EYS: variants seen among roughly 807,000 people sequenced by gnomAD.
The protein encoded by EYS is EGF-like photoreceptor maintenance factor.
In EYS, 250 loss-of-function variants were observed where a neutral mutation model predicts 282.1. That is an observed-to-expected ratio of 0.89 (90% CI 0.80 to 0.98). The LOEUF is 0.98. Among genes scored for constraint, EYS ranks in the 50% least tolerant of loss-of-function variants. EYS has a pLI of 0.00. For synonymous variants in EYS, 1,355 were observed against 1,282.9 expected (o/e 1.06, Z -1.20); for missense variants, 4,016 against 3,709.0 (o/e 1.08, Z -2.15).
intron 11 of EYS, among the ~76,000 whole-genome samples, chr6:65,297,489 C>A (rs1768698615): frequency 6.6e-6 from 1 of 151,948 alleles, no homozygotes; most frequent in Admixed American, 6.6e-5. Context: ...TGTCAAGGAT[C>A]ACTGAGATTA....
intron 2 of EYS, among the ~76,000 whole-genome samples, chr6:65,625,136 A>G (rs1289689372): frequency 1.3e-5 from 2 of 152,128 alleles, no homozygotes; most frequent in African/African-American, 2.4e-5. Context: ...AGAAGACCTC[A>G]AGCCAATTGT....
intron 35 of EYS, among the ~76,000 whole-genome samples, chr6:63,915,042 C>T (rs1236531268): frequency 6.6e-6 from 1 of 152,184 alleles, no homozygotes; most frequent in East Asian, 1.9e-4. Context: ...AAGGTGGCTA[C>T]ACTAAACAAT....
At chr6:64,129,293 C>G (rs1773887603) in intron 31 of EYS, among the ~76,000 whole-genome samples, 1 of 152,154 alleles carries the variant, frequency 6.6e-6, no homozygotes, top group African/African-American at 2.4e-5. Context: ...CTGTTGTTTC[C>G]TGACATTTTA....
At chr6:64,174,869 A>T (rs1764581650) in intron 31 of EYS, among the ~76,000 whole-genome samples, 1 of 152,094 alleles carries the variant, frequency 6.6e-6, no homozygotes, top group Non-Finnish European at 1.5e-5. Flanking sequence ...TATCTGGTGG[A>T]TATACAAATC....
intron 39 of EYS, among the ~76,000 whole-genome samples, chr6:63,782,909 G>T (rs1770270279): frequency 6.7e-6 from 1 of 149,800 alleles, no homozygotes; most frequent in Admixed American, 6.7e-5. Flanking sequence ...TGACTGACTA[G>T]GTACCAAATA....
In EYS at chr6:65,565,105, C is replaced by T. The variant is rs1252854063; in HGVS notation, c.-332-69112G>A. Among the ~76,000 whole-genome samples the T allele has an allele frequency of 9.5e-5, 5 of 52,586 alleles. 2 individuals are homozygous for T. Among genetic ancestry groups the T allele is most frequent in the East Asian group, 1.0e-3 (1 of 956 alleles). The allele number at this position is 52,586 out of a possible 152,430, so 34.5% of individuals were successfully genotyped here. On this transcript the variant is annotated intron_variant, in intron 2 of 42. Coordinates refer to ENST00000503581, the MANE Select transcript of EYS (RefSeq NM_001142800.2). Reference sequence around the variant, plus strand: ...CTAAAAATACAAAAAATTAGCCGGGCGTAGTGGTGGGCGCCTGTAGTCCCA... The same window carrying T: ...CTAAAAATACAAAAAATTAGCCGGGTGTAGTGGTGGGCGCCTGTAGTCCCA...
At chr6:63,879,886 G>A (rs886790544) in intron 35 of EYS, among the ~76,000 whole-genome samples, 2 of 152,118 alleles carry the variant, frequency 1.3e-5, no homozygotes, top group Non-Finnish European at 2.9e-5. Context: ...GCTAAACCAG[G>A]GGTGTGGTCA....
chr6:65,094,030 A>C (rs1287322496), intron 12 of EYS, among the ~76,000 whole-genome samples: 2 of 151,780 alleles, frequency 1.3e-5, no homozygotes, highest in African/African-American at 4.8e-5. Flanking sequence ...TTACAAAAAT[A>C]TGTTGATAAG....
chr6:65,277,236 C>T (rs938551577), intron 12 of EYS, among the ~76,000 whole-genome samples: 1 of 151,848 alleles, frequency 6.6e-6, no homozygotes, highest in Non-Finnish European at 1.5e-5. Context: ...AGATCAAGAC[C>T]TTCCTGGCCA....
chr6:64,928,562 TG>T (rs1768593465), intron 15 of EYS, among the ~76,000 whole-genome samples: 1 of 152,160 alleles, frequency 6.6e-6, no homozygotes, highest in Non-Finnish European at 1.5e-5. Flanking sequence ...ATTCTGGTTT[TG>T]TTTCATGGTA....
chr6:64,873,797 C>T (rs1006073986), intron 19 of EYS, among the ~76,000 whole-genome samples: 1 of 151,652 alleles, frequency 6.6e-6, no homozygotes, highest in Non-Finnish European at 1.5e-5. Flanking sequence ...CATATTGTGC[C>T]TCATAAATAT....
rs1765900590 is a variant in EYS, at chr6:64,851,988, A to G, written c.2993-29166T>C. On this transcript the variant is annotated intron_variant, in intron 19 of 42. Coordinates refer to ENST00000503581, the MANE Select transcript of EYS (RefSeq NM_001142800.2). ...GAACATAAATTGAAAGTTTAAAAAA[A>G]GATTTGAGGATTGTTGGGATAAAGT... is the stretch of plus-strand genomic sequence containing the variant. 2.0e-5 allele frequency among the ~76,000 whole-genome samples: 3 copies of G among 152,132 alleles called. 1 individual carries two copies. Among genetic ancestry groups the G allele is most frequent in the Non-Finnish European group, 1.5e-5 (1 of 68,022 alleles).
intron 16 of EYS, among the ~76,000 whole-genome samples, chr6:64,904,249 G>T (rs1292490747): frequency 5.9e-5 from 9 of 152,092 alleles, no homozygotes; most frequent in Admixed American, 3.9e-4. Context: ...TTTTTAATTT[G>T]CCTTATTTTT....
intron 12 of EYS, among the ~76,000 whole-genome samples, chr6:65,195,702 C>A (rs577178911): frequency 1.3e-5 from 2 of 152,090 alleles, no homozygotes; most frequent in African/African-American, 4.8e-5. Context: ...TACTTGTGAG[C>A]ACACCATGAA....
At chr6:64,493,307 A>T (rs1314409940) in intron 26 of EYS, among the ~76,000 whole-genome samples, 3 of 151,436 alleles carry the variant, frequency 2.0e-5, no homozygotes, top group Non-Finnish European at 4.4e-5. Flanking sequence ...ATCTAGCAAG[A>T]CTTTCCAGAG....
chr6:65,368,491 A>G (rs1765007495), intron 8 of EYS, among the ~76,000 whole-genome samples: 1 of 151,676 alleles, frequency 6.6e-6, no homozygotes, highest in Non-Finnish European at 1.5e-5. Context: ...AAGGTTGACC[A>G]AAAATAAAGT....
intron 12 of EYS, among the ~76,000 whole-genome samples, chr6:65,138,713 C>G (rs1776093093): frequency 6.6e-6 from 1 of 151,962 alleles, no homozygotes; most frequent in African/African-American, 2.4e-5. Flanking sequence ...AATAGCACCC[C>G]CAAATGCCTG....
At chr6:65,456,448 C>CAA (rs5876965) in intron 5 of EYS, among the ~76,000 whole-genome samples, 56 of 130,006 alleles carry the variant, frequency 4.3e-4, no homozygotes, top group South Asian at 1.2e-3. Context: ...GACTCTGTCT[C>CAA]AAAAAAAAAA....
At chr6:65,277,168 C>T (rs542309332) in intron 12 of EYS, among the ~76,000 whole-genome samples, 13 of 152,198 alleles carry the variant, frequency 8.5e-5, no homozygotes, top group African/African-American at 3.1e-4. Flanking sequence ...GGTGCAGTGG[C>T]TCATGCCTGT....
Sources: gnomAD v4.1 joint callset for allele counts (sites outside exome capture counted in the v4.1 genomes callset) on GRCh38, gnomAD v4.1.1 for gene constraint, MANE v1.5 for transcripts, NCBI Gene and HGNC (gene_info 2026-07-23, HGNC 2026-07-21) for gene names.